SLC26A3: variants seen among roughly 807,000 people sequenced by gnomAD.
SLC26A3 encodes solute carrier family 26 member 3, also known as chloride anion exchanger.
Under a neutral mutation model 85.6 loss-of-function variants are expected in SLC26A3, and 64 were observed. The ratio of observed to expected loss-of-function variants is 0.75; its 90% confidence interval spans 0.61 to 0.92. The LOEUF (loss-of-function observed/expected upper bound fraction) is 0.92, where lower values mean the gene tolerates loss of function less well. Among genes scored for constraint, SLC26A3 ranks in the 40% least tolerant of loss-of-function variants. The pLI is 0.00. For synonymous variants in SLC26A3, 349 were observed against 336.0 expected (o/e 1.04, Z -0.42); for missense variants, 922 against 927.3 (o/e 0.99, Z 0.07).
At chr7:107,792,531 A>C (rs1794420730) in intron 3 of SLC26A3, among the ~76,000 whole-genome samples, 1 of 152,048 alleles carries the variant, frequency 6.6e-6, no homozygotes, top group Non-Finnish European at 1.5e-5. Context: ...TGAGAATATA[A>C]TGTTGTCGCT....
intron 1 of SLC26A3, among the ~76,000 whole-genome samples, chr7:107,797,392 G>A (rs1240939354): frequency 2.6e-5 from 4 of 152,170 alleles, no homozygotes. Context: ...TACTCGGGAG[G>A]CTGAGACAGG....
rs60779433 is a variant in SLC26A3, at chr7:107,787,643, C to T, written c.736-134G>A. The T allele has an allele frequency of 3.3e-3, 2,479 of 745,156 alleles. 45 individuals carry two copies. In the African/African-American group the frequency reaches 0.038, roughly 11 times the overall value. 46.2% of individuals were successfully genotyped at this position (745,156 alleles called of 1,614,324 possible). A position where few individuals can be genotyped will look rare whatever the true frequency, so the allele number is the denominator to read the frequency against. ...AGACTGATAGTGATTTCCTGTATTG[C>T]CCCGGTTTAATTGTGAATGTGAAAT... is the stretch of plus-strand genomic sequence containing the variant. On this transcript the variant is annotated intron_variant, in intron 6 of 20. Transcript: ENST00000340010.
At chr7:107,769,989 C>CTTTT (rs879324341) in intron 18 of SLC26A3, among the ~76,000 whole-genome samples, 37 of 129,692 alleles carry the variant, frequency 2.9e-4, no homozygotes, top group Non-Finnish European at 4.9e-4. Context: ...CCCTTCCTTC[C>CTTTT]TTCCTTTTTT....
chr7:107,779,541 A>G (rs1584405133), intron 12 of SLC26A3, 127 bp downstream of exon 12: 1 of 754,548 alleles, frequency 1.3e-6, no homozygotes, highest in Admixed American at 2.3e-5. Flanking sequence ...AAACAAACTA[A>G]GGTTTTTTTG....
At chr7:107,770,000 C>CTCTTTCTTTCTTTCTTTCTT (rs3076030) in intron 18 of SLC26A3, among the ~76,000 whole-genome samples, 2,865 of 130,940 alleles carry the variant, frequency 0.022, 56 homozygotes, top group East Asian at 0.038. Context: ...TTCCTTTTTT[C>CTCTTTCTTTCTTTCTTTCTT]TCTTTCTTTC....
At chr7:107,771,678 C>T (rs993283273) in intron 18 of SLC26A3, among the ~76,000 whole-genome samples, 1 of 152,132 alleles carries the variant, frequency 6.6e-6, no homozygotes, top group Non-Finnish European at 1.5e-5. Context: ...CGCTGATAAC[C>T]TTGGCAAGGA....
At chr7:107,796,397 C>T (rs780667340) in intron 1 of SLC26A3, among the ~76,000 whole-genome samples, 7 of 152,112 alleles carry the variant, frequency 4.6e-5, no homozygotes, top group Non-Finnish European at 8.8e-5. Flanking sequence ...ACCAGGGCCT[C>T]GGTTATGACA....
At chr7:107,775,202 T>A (rs1794090417) in intron 15 of SLC26A3, among the ~76,000 whole-genome samples, 1 of 152,236 alleles carries the variant, frequency 6.6e-6, no homozygotes, top group South Asian at 2.1e-4. Context: ...TTTATTTTAC[T>A]TATTTTCTAT....
rs1794124217 is a variant in SLC26A3, at chr7:107,776,838, C to T, written c.1515-132G>A. 3 of 791,956 alleles carry T rather than the reference C, an allele frequency of 3.8e-6. No individual in the cohort carries two copies. The African/African-American group carries it at 5.1e-5, about 13-fold the overall frequency. 49.1% of individuals were successfully genotyped at this position (791,956 alleles called of 1,614,324 possible). On this transcript the variant is annotated intron_variant, in intron 13 of 20. Transcript: ENST00000340010. ...GTAAAAGGTTGGGGAATCATCATGCCATCAGAGACTCTGGAAGGTGAACAC... is the reference window on the plus strand; with the variant it reads ...GTAAAAGGTTGGGGAATCATCATGCTATCAGAGACTCTGGAAGGTGAACAC...
intron 11 of SLC26A3, among the ~76,000 whole-genome samples, chr7:107,781,597 T>C (rs1252793047): frequency 1.3e-5 from 2 of 152,208 alleles, no homozygotes; most frequent in African/African-American, 2.4e-5. Flanking sequence ...TCTATTTCTT[T>C]AGTGGTGACT....
Position 107,773,984 on chromosome 7 carries a change from C to A in SLC26A3, c.1943G>T (p.Ser648Ile), listed in dbSNP as rs1159742086. The change falls in exon 17 of 21, where the codon AGC (serine) becomes ATC (isoleucine). Residue 648 changes from serine (S) to isoleucine (I), a missense_variant. By Grantham distance (142) the Ser-to-Ile change is moderately radical (BLOSUM62 -2). Coordinates refer to ENST00000340010, the MANE Select transcript of SLC26A3 (RefSeq NM_000111.3). ...CACTGCTGAAAAGTCAAGAATGAGG[C>A]TGTGGAGGCTGATTTTGGGGACCTC... ...NIEVPKISLH[S>I]LILDFSAVSF... is the part of the protein sequence containing the mutation. The A allele has an allele frequency of 6.2e-7, 1 of 1,614,088 alleles. No individual in the cohort carries two copies.
At chr7:107,773,167 T>C (rs1162165213) in intron 17 of SLC26A3, among the ~76,000 whole-genome samples, 1 of 152,234 alleles carries the variant, frequency 6.6e-6, no homozygotes, top group African/African-American at 2.4e-5. Context: ...TATTCTTTCA[T>C]ATATCTATTT....
rs1793984071 is a variant in SLC26A3 at position 107,770,023 on chromosome 7, TTTCTTTCTTTCTTTCTTTCTTTCTTTC to T, written c.2062+2004_2062+2030del. 1.7e-4 allele frequency among the ~76,000 whole-genome samples: 7 copies of T among 41,158 alleles called. 1 individual carries two copies. Among genetic ancestry groups the T allele is most frequent in the Admixed American group, 1.5e-3 (7 of 4,786 alleles). 27.0% of individuals were successfully genotyped at this position (41,158 alleles called of 152,430 possible). On this transcript the variant is annotated intron_variant, in intron 18 of 20. Coordinates refer to ENST00000340010, the MANE Select transcript of SLC26A3 (RefSeq NM_000111.3). ...TTCTCTTTCTTTCTTTCTTTCTTTC[TTTCTTTCTTTCTTTCTTTCTTTCTTTC>T]TCTTTTCTTTCTTTTTCTTTCTCTC...
rs367832543 is a variant in SLC26A3 at position 107,768,832 on chromosome 7, A to G, written c.2063-924T>C. Among the ~76,000 whole-genome samples, 4 of 152,304 alleles carry G rather than the reference A, an allele frequency of 2.6e-5. No individual in the cohort carries two copies. In the East Asian group the frequency reaches 7.7e-4, roughly 29 times the overall value. ...AGAAAAGTGGAGGAAGAGAAGGTAC[A>G]CAGTTATGAAGATGGATTCTTCTGT... On this transcript the variant is annotated intron_variant, in intron 18 of 20. Transcript: ENST00000340010.
chr7:107,780,789 A>T (rs1462514643), intron 11 of SLC26A3, among the ~76,000 whole-genome samples: 1 of 152,222 alleles, frequency 6.6e-6, no homozygotes, highest in East Asian at 1.9e-4. Context: ...ACTTTTAAAA[A>T]ATTTGGCACA....
chr7:107,781,401 A>G (rs1794213288), intron 11 of SLC26A3, among the ~76,000 whole-genome samples: 1 of 152,194 alleles, frequency 6.6e-6, no homozygotes. Context: ...AACATATCAC[A>G]GGACCCTTTA....
At chr7:107,779,897 T>C (rs1159944808) in intron 11 of SLC26A3, 134 bp from the exon 12 acceptor site, 9 of 750,550 alleles carry the variant, frequency 1.2e-5, no homozygotes, top group Admixed American at 2.0e-5. Flanking sequence ...CCTTTTCCGG[T>C]GTGCGATGCC....
intron 1 of SLC26A3, among the ~76,000 whole-genome samples, chr7:107,796,109 AT>A (rs1794494064): frequency 1.3e-5 from 2 of 150,996 alleles, no homozygotes; most frequent in Non-Finnish European, 3.0e-5. Flanking sequence ...TATTATTATT[AT>A]TATTATTATT....
At chr7:107,771,553 G>C (rs1241296985) in intron 18 of SLC26A3, among the ~76,000 whole-genome samples, 1 of 152,164 alleles carries the variant, frequency 6.6e-6, no homozygotes, top group African/African-American at 2.4e-5. Flanking sequence ...TGTCCTGCCA[G>C]AGTCAGGGAG....
Sources: allele counts gnomAD v4.1 joint callset (sites outside exome capture counted in the v4.1 genomes callset), GRCh38; gene constraint gnomAD v4.1.1; transcripts MANE v1.5; gene names NCBI Gene and HGNC (gene_info 2026-07-23, HGNC 2026-07-21).